Variants in TAFA4 observed in about 807,000 individuals in gnomAD.
TAFA4 encodes chemokine-like protein TAFA-4.
In TAFA4, 20 loss-of-function variants were observed where a neutral mutation model predicts 21.1. The ratio of observed to expected loss-of-function variants is 0.95; its 90% CI spans 0.67 to 1.38. TAFA4 has a LOEUF of 1.38. TAFA4 is among the 40% of genes most tolerant of loss of function. TAFA4 has a pLI of 0.00. For missense variants in TAFA4, 211 were observed against 180.9 expected (o/e 1.17, Z -0.95); for synonymous variants, 71 against 67.4 (o/e 1.05, Z -0.26).
intron 3 of TAFA4, among the ~76,000 whole-genome samples, chr3:68,880,004 G>A (rs922330999): frequency 3.3e-5 from 5 of 152,016 alleles, no homozygotes; most frequent in African/African-American, 1.2e-4. Context: ...CAATTTGCTG[G>A]GGAGTTTCCA....
intron 3 of TAFA4, among the ~76,000 whole-genome samples, chr3:68,827,995 TAG>T (rs1336139904): frequency 6.6e-6 from 1 of 152,236 alleles, no homozygotes; most frequent in Non-Finnish European, 1.5e-5. Context: ...GGTTTTCTTC[TAG>T]AGTTTTTGTG....
chr3:68,762,894 C>T (rs545803116), intron 3 of TAFA4, among the ~76,000 whole-genome samples: 11 of 152,256 alleles, frequency 7.2e-5, no homozygotes, highest in East Asian at 3.9e-4. Flanking sequence ...GAAAATTAGC[C>T]GGGTGTGGTG....
chr3:68,852,721 A>C (rs1457125122), intron 3 of TAFA4, among the ~76,000 whole-genome samples: 1 of 152,188 alleles, frequency 6.6e-6, no homozygotes, highest in East Asian at 1.9e-4. Context: ...CTAGCCTTAA[A>C]TCCTTAGTCA....
intron 1 of TAFA4, among the ~76,000 whole-genome samples, chr3:68,930,479 G>C (rs1046424134): frequency 6.6e-6 from 1 of 152,158 alleles, no homozygotes; most frequent in Non-Finnish European, 1.5e-5. Flanking sequence ...AGTGTCAAAG[G>C]GCAGTTAAGA....
chr3:68,917,769 A>G lies in TAFA4; in HGVS notation c.-123+14471T>C, dbSNP rs189658328. 5.1e-3 allele frequency among the ~76,000 whole-genome samples: 773 copies of G among 151,088 alleles called. 15 individuals are homozygous for G. Among genetic ancestry groups the G allele is most frequent in the Admixed American group, 0.022 (332 of 15,160 alleles). On this transcript the variant is annotated intron_variant, in intron 1 of 5. Transcript: ENST00000295569. ...ACTCTGTCTCAAAAAAAAAAAAAAA[A>G]AAAAGAAAGTTCCCAGGAACAATGG...
chr3:68,841,726 G>A (rs1301723816), intron 3 of TAFA4, among the ~76,000 whole-genome samples: 3 of 151,692 alleles, frequency 2.0e-5, no homozygotes, highest in Non-Finnish European at 2.9e-5. Flanking sequence ...GCCCTTGTGT[G>A]TGATGTTCCC....
chr3:68,842,611 C>T (rs1448123651), intron 3 of TAFA4, among the ~76,000 whole-genome samples: 1 of 152,134 alleles, frequency 6.6e-6, no homozygotes, highest in Non-Finnish European at 1.5e-5. Flanking sequence ...GCCATGAATT[C>T]TTTGTCCATG....
At chr3:68,886,173 C>G (rs1229400093) in intron 1 of TAFA4, among the ~76,000 whole-genome samples, 2 of 152,144 alleles carry the variant, frequency 1.3e-5, no homozygotes, top group African/African-American at 4.8e-5. Context: ...AAGAATCCAC[C>G]ACCAAGCACA....
chr3:68,829,179 T>C (rs138084668), intron 3 of TAFA4, among the ~76,000 whole-genome samples: 3,304 of 152,258 alleles, frequency 0.022, 127 homozygotes, highest in African/African-American at 0.076. Context: ...CAAAACAGCA[T>C]GGTACTAGTA....
In TAFA4 at chr3:68,749,154, G is replaced by A. The variant is rs1327964093; in HGVS notation, c.286+3709C>T. ...AAAGACCCACTTCAATAACTCAGGGGAGGTTTCGTAAGTTAATTATGATAA... is the reference window on the plus strand; with the variant it reads ...AAAGACCCACTTCAATAACTCAGGGAAGGTTTCGTAAGTTAATTATGATAA... On this transcript the variant is annotated intron_variant, in intron 4 of 5. Transcript: ENST00000295569. 2.0e-5 allele frequency among the ~76,000 whole-genome samples: 3 copies of A among 152,294 alleles called. No individual in the cohort carries two copies. The East Asian group carries it at 5.8e-4, about 29-fold the overall frequency.
chr3:68,736,578 A>G (rs986820193), intron 5 of TAFA4, among the ~76,000 whole-genome samples: 1 of 152,142 alleles, frequency 6.6e-6, no homozygotes, highest in African/African-American at 2.4e-5. Flanking sequence ...CTGTGCATGA[A>G]CTATTTAAAG....
intron 3 of TAFA4, among the ~76,000 whole-genome samples, chr3:68,836,006 A>C (rs546652730): frequency 6.6e-6 from 1 of 152,314 alleles, no homozygotes; most frequent in South Asian, 2.1e-4. Flanking sequence ...TTTTCTCATT[A>C]TATGCAATAT....
rs568693402 is a variant in TAFA4, at chr3:68,865,707, T to C, written c.130+15023A>G. 3.3e-5 allele frequency among the ~76,000 whole-genome samples: 5 copies of C among 152,184 alleles called. No homozygotes were observed. In the South Asian group the frequency reaches 1.0e-3, roughly 32 times the overall value. On this transcript the variant is annotated intron_variant, in intron 3 of 5. Transcript: ENST00000295569. ...GGAATGCAGTGGCTATACATAGACA[T>C]AATCATAGTGTGCTGCTGCTTCAAA...
chr3:68,911,908 C>A (rs1248514088), intron 1 of TAFA4, among the ~76,000 whole-genome samples: 1 of 152,140 alleles, frequency 6.6e-6, no homozygotes, highest in African/African-American at 2.4e-5. Flanking sequence ...TCAGCCCAAG[C>A]GCTGGGAAAT....
At chr3:68,818,396 T>C (rs777041282) in intron 3 of TAFA4, among the ~76,000 whole-genome samples, 1 of 152,228 alleles carries the variant, frequency 6.6e-6, no homozygotes, top group African/African-American at 2.4e-5. Flanking sequence ...AAAGAAATCA[T>C]TCATGTGTTC....
chr3:68,904,135 A>G (rs2089873654), intron 1 of TAFA4, among the ~76,000 whole-genome samples: 3 of 152,056 alleles, frequency 2.0e-5, no homozygotes, highest in African/African-American at 7.2e-5. Context: ...TGCAACCACT[A>G]TCCTATAATG....
intron 1 of TAFA4, chr3:68,913,810 T>A (rs747494635): frequency 6.6e-6 from 1 of 152,218 alleles, no homozygotes; most frequent in Non-Finnish European, 1.5e-5. Flanking sequence ...ACTCACTAGG[T>A]GTGACCCTGG....
intron 1 of TAFA4, among the ~76,000 whole-genome samples, chr3:68,907,507 G>C (rs1873267): frequency 0.96 from 146,411 of 152,310 alleles, 70,651 homozygotes; most frequent in East Asian, 1. Context: ...GACGACATAG[G>C]TCTGACGCCT....
chr3:68,739,293 A>G (rs1702302311), intron 4 of TAFA4, 94 bp from the exon 5 acceptor site: 3 of 1,403,180 alleles, frequency 2.1e-6, no homozygotes, highest in Non-Finnish European at 2.9e-6. Flanking sequence ...CACTGAGTTC[A>G]AAGATTGCTA....
Sources: gnomAD v4.1 joint callset for allele counts (sites outside exome capture counted in the v4.1 genomes callset) on GRCh38, gnomAD v4.1.1 for gene constraint, MANE v1.5 for transcripts, NCBI Gene and HGNC (gene_info 2026-07-23, HGNC 2026-07-21) for gene names.